GRK3: variants seen among roughly 807,000 people sequenced by gnomAD.
The protein encoded by GRK3 is G protein-coupled receptor kinase 3.
Under a neutral mutation model 95.7 loss-of-function variants are expected in GRK3, and 54 were observed. The ratio of observed to expected loss-of-function variants is 0.56; its 90% CI spans 0.45 to 0.71. The LOEUF is 0.71. Ranked by LOEUF, GRK3 falls within the 30% of genes least tolerant of loss-of-function variation. GRK3 has a pLI of 0.00. For missense variants in GRK3, 649 were observed against 851.2 expected, an observed-to-expected ratio of 0.76 and a Z score of 2.96; for synonymous variants, 281 against 290.8, an observed-to-expected ratio of 0.97 and a Z score of 0.34.
chr22:25,688,640 C>G (rs2085141179), intron 11 of GRK3, among the ~76,000 whole-genome samples: 1 of 152,214 alleles, frequency 6.6e-6, no homozygotes, highest in South Asian at 2.1e-4. Context: ...TGAGAGCTCA[C>G]TCACCTTGAA....
chr22:25,702,944 A>G, intron 13 of GRK3: 2 of 454,816 alleles, frequency 4.4e-6, no homozygotes, highest in South Asian at 3.1e-5. Context: ...GGTTCTGCAC[A>G]GGGAAAACAG....
At chr22:25,589,460 A>T (rs1251778428) in intron 1 of GRK3, among the ~76,000 whole-genome samples, 1 of 152,204 alleles carries the variant, frequency 6.6e-6, no homozygotes, top group Non-Finnish European at 1.5e-5. Context: ...GTAGGCCATG[A>T]CAGGTAGGGC....
intron 1 of GRK3, among the ~76,000 whole-genome samples, chr22:25,570,970 C>T (rs1931680081): frequency 6.6e-6 from 1 of 152,096 alleles, no homozygotes. Flanking sequence ...TATAGAGAGC[C>T]CATGGCGAAT....
chr22:25,729,059 T>C lies in GRK3; in HGVS notation c.*6609T>C, dbSNP rs2085496185. ...CAAAATATCATTGGTTCTATCTCTT[T>C]TTGTATCTGTTGTGCCAGGGAAGGT... On this transcript the variant is annotated 3_prime_UTR_variant, in exon 21 of 21. Coordinates refer to ENST00000324198, the MANE Select transcript of GRK3 (RefSeq NM_005160.4). 3 of 152,220 alleles carry C rather than the reference T, an allele frequency of 2.0e-5. No individual in the cohort carries two copies. The highest frequency in any genetic ancestry group is 6.5e-5 in the Admixed American group (1 of 15,284). 9.4% of individuals were successfully genotyped at this position (152,220 alleles called of 1,614,324 possible).
intron 3 of GRK3, among the ~76,000 whole-genome samples, chr22:25,651,266 C>G (rs550816640): frequency 6.6e-5 from 10 of 152,256 alleles, no homozygotes; most frequent in Admixed American, 3.9e-4. Context: ...ATAAAATACT[C>G]TCTTACAGTC....
intron 11 of GRK3, among the ~76,000 whole-genome samples, chr22:25,689,853 G>A (rs1360239278): frequency 4.6e-5 from 7 of 152,302 alleles, no homozygotes; most frequent in Non-Finnish European, 7.3e-5. Flanking sequence ...GAGGCATGCT[G>A]TTGTGGCTGC....
chr22:25,680,458 A>T (rs565915890), intron 9 of GRK3, among the ~76,000 whole-genome samples: 35 of 152,382 alleles, frequency 2.3e-4, no homozygotes, highest in African/African-American at 7.9e-4. Flanking sequence ...TCAGTGAGTT[A>T]TCTCAAAGCC....
At chr22:25,600,487 A>G (rs144355386) in intron 1 of GRK3, among the ~76,000 whole-genome samples, 2 of 152,322 alleles carry the variant, frequency 1.3e-5, no homozygotes, top group East Asian at 3.9e-4. Context: ...GCCTCAAAAT[A>G]TTTGGAAAGA....
chr22:25,647,976 C>T (rs777463845), intron 3 of GRK3, among the ~76,000 whole-genome samples: 15 of 151,818 alleles, frequency 9.9e-5, no homozygotes, highest in Non-Finnish European at 1.6e-4. Context: ...ATTAGCTGGA[C>T]GTGGTGGTGA....
intron 2 of GRK3, among the ~76,000 whole-genome samples, chr22:25,609,348 T>C (rs2084477372): frequency 6.6e-6 from 1 of 152,112 alleles, no homozygotes; most frequent in African/African-American, 2.4e-5. Context: ...TTTTTTTTTT[T>C]TTTAAGACAG....
Position 25,726,614 on chromosome 22 carries a change from G to C in GRK3, c.*4164G>C, listed in dbSNP as rs553040906. On this transcript the variant is annotated 3_prime_UTR_variant, in exon 21 of 21. Coordinates refer to ENST00000324198, the MANE Select transcript of GRK3 (RefSeq NM_005160.4). ...TAGTGGTAGAAATCGGGCGAAGGAA[G>C]AAAGAAGTTACTGGTAAAAATCATT... The C allele has an allele frequency of 1.3e-5, 2 of 152,276 alleles. No individual in the cohort carries two copies. The highest frequency in any genetic ancestry group is 4.1e-4 in the South Asian group (2 of 4,824). The allele number at this position is 152,276 out of a possible 1,614,324, so 9.4% of individuals were successfully genotyped here. A position where few individuals can be genotyped will look rare whatever the true frequency, so the allele number is the denominator to read the frequency against.
chr22:25,694,684 T>C (rs1391602033), intron 12 of GRK3, among the ~76,000 whole-genome samples: 1 of 152,016 alleles, frequency 6.6e-6, no homozygotes, highest in Non-Finnish European at 1.5e-5. Context: ...CACACAGGGG[T>C]GGACGTCTCC....
chr22:25,715,418 G>A (rs939797033), intron 18 of GRK3, among the ~76,000 whole-genome samples: 2 of 152,124 alleles, frequency 1.3e-5, no homozygotes, highest in African/African-American at 2.4e-5. Context: ...GGCCGAGACA[G>A]GAAGATCACT....
In GRK3 at chr22:25,618,286, A is replaced by G. The variant is rs189342457; in HGVS notation, c.190+13833A>G. Among the ~76,000 whole-genome samples the G allele has an allele frequency of 2.2e-3, 339 of 152,338 alleles. 3 individuals are homozygous for G. Among genetic ancestry groups the G allele is most frequent in the Admixed American group, 0.018 (271 of 15,312 alleles). On this transcript the variant is annotated intron_variant, in intron 2 of 20. Coordinates refer to ENST00000324198, the MANE Select transcript of GRK3 (RefSeq NM_005160.4). Reference sequence around the variant, plus strand: ...TGGATCGTGTCTGATAGGTGCACACACATTACGTTTGCGATGTCTTTTTGA... The same window carrying G: ...TGGATCGTGTCTGATAGGTGCACACGCATTACGTTTGCGATGTCTTTTTGA...
intron 2 of GRK3, among the ~76,000 whole-genome samples, chr22:25,640,254 C>T (rs2084733519): frequency 6.6e-6 from 1 of 152,166 alleles, no homozygotes; most frequent in Non-Finnish European, 1.5e-5. Context: ...TTGTTTGTCT[C>T]ACAGCTCAGA....
At chr22:25,721,171 A>G (rs2085429488) in intron 19 of GRK3, 113 bp from the exon 20 acceptor site, 1 of 539,694 alleles carries the variant, frequency 1.9e-6, no homozygotes, top group Non-Finnish European at 3.3e-6. Flanking sequence ...CATCAAAGAA[A>G]GAAAACCGAA....
At chr22:25,636,841 A>C (rs1159978777) in intron 2 of GRK3, among the ~76,000 whole-genome samples, 3 of 152,196 alleles carry the variant, frequency 2.0e-5, no homozygotes, top group East Asian at 3.8e-4. Context: ...ACTTTTGACC[A>C]ACGTAATGTC....
rs967662035 is a variant in GRK3 at position 25,722,460 on chromosome 22, A to T, written c.*10A>T. 4 of 1,613,524 alleles carry T rather than the reference A, an allele frequency of 2.5e-6. No individual in the cohort carries two copies. Among genetic ancestry groups the T allele is most frequent in the Non-Finnish European group, 3.4e-6 (4 of 1,179,540 alleles). ...CAGCAACGGCCTCTAGCACCCAGAA[A>T]CAGGGAGGGTCCTCGAGGAGGACAC... On this transcript the variant is annotated 3_prime_UTR_variant, in exon 21 of 21. Coordinates refer to ENST00000324198, the MANE Select transcript of GRK3 (RefSeq NM_005160.4).
intron 6 of GRK3, among the ~76,000 whole-genome samples, chr22:25,670,749 A>C (rs758449554): frequency 1.3e-5 from 2 of 151,912 alleles, no homozygotes; most frequent in African/African-American, 2.4e-5. Flanking sequence ...TTTCTTTTGA[A>C]AATAGTTTAA....
Sources: allele counts gnomAD v4.1 joint callset (sites outside exome capture counted in the v4.1 genomes callset), GRCh38; gene constraint gnomAD v4.1.1; transcripts MANE v1.5; gene names NCBI Gene and HGNC (gene_info 2026-07-23, HGNC 2026-07-21).